The following MACROD2 variants were observed in gnomAD, a reference collection of about 807,000 sequenced individuals.
MACROD2 encodes ADP-ribose glycohydrolase MACROD2.
In MACROD2, 36 loss-of-function variants were observed where a neutral mutation model predicts 70.4. The observed-to-expected ratio is 0.51, with a 90% CI of 0.39 to 0.68. MACROD2 has a LOEUF of 0.68. Among genes scored for constraint, MACROD2 ranks in the 30% least tolerant of loss-of-function variants. The probability of loss-of-function intolerance (pLI) is 0.00; values close to 1 mark genes in which losing one functional copy is unlikely to be tolerated. For missense variants in MACROD2, 496 were observed against 538.4 expected (o/e 0.92, Z 0.78); for synonymous variants, 172 against 178.8 (o/e 0.96, Z 0.30).
chr20:14,474,499 C>A (rs762468499), intron 3 of MACROD2, among the ~76,000 whole-genome samples: 1 of 152,096 alleles, frequency 6.6e-6, no homozygotes, highest in East Asian at 1.9e-4. Context: ...GGTTAGAATG[C>A]AGTTTAACTC....
chr20:14,650,481 G>T (rs188803890), intron 4 of MACROD2, among the ~76,000 whole-genome samples: 2 of 152,276 alleles, frequency 1.3e-5, no homozygotes, highest in Non-Finnish European at 2.9e-5. Flanking sequence ...AGAATATATG[G>T]CATAAATTAT....
At chr20:14,466,086 G>A (rs1376798146) in intron 3 of MACROD2, among the ~76,000 whole-genome samples, 1 of 152,070 alleles carries the variant, frequency 6.6e-6, no homozygotes, top group Non-Finnish European at 1.5e-5. Flanking sequence ...GGCCTGCCTT[G>A]CTAGATTGGG....
At chr20:14,792,069 G>A (rs2123803234) in intron 5 of MACROD2, among the ~76,000 whole-genome samples, 1 of 151,840 alleles carries the variant, frequency 6.6e-6, no homozygotes, top group East Asian at 1.9e-4. Flanking sequence ...CAAAACACTT[G>A]AGGGTTTTTT....
At chr20:14,206,669 TTAA>T (rs1455501350) in intron 3 of MACROD2, among the ~76,000 whole-genome samples, 5 of 151,724 alleles carry the variant, frequency 3.3e-5, no homozygotes, top group Non-Finnish European at 4.4e-5. Context: ...TTTTTTTTTT[TTAA>T]GTCAGTTACT....
chr20:14,409,393 T>C (rs528040193), intron 3 of MACROD2, among the ~76,000 whole-genome samples: 2 of 151,872 alleles, frequency 1.3e-5, no homozygotes, highest in Admixed American at 6.6e-5. Context: ...CAGAATATCA[T>C]TTTATCCTCT....
intron 3 of MACROD2, among the ~76,000 whole-genome samples, chr20:14,270,085 G>C (rs1411954900): frequency 1.3e-5 from 2 of 152,012 alleles, no homozygotes; most frequent in Non-Finnish European, 2.9e-5. Context: ...GTTTGGTATT[G>C]TCTGTTTTTT....
At chr20:14,150,652 C>T (rs1162832292) in intron 3 of MACROD2, among the ~76,000 whole-genome samples, 5 of 151,978 alleles carry the variant, frequency 3.3e-5, no homozygotes, top group Non-Finnish European at 7.4e-5. Flanking sequence ...AATTTTCTTC[C>T]TCCCTTCTGG....
intron 12 of MACROD2, among the ~76,000 whole-genome samples, chr20:15,941,854 G>A (rs962916053): frequency 2.6e-5 from 4 of 152,104 alleles, no homozygotes; most frequent in African/African-American, 9.7e-5. Flanking sequence ...AACTCCCAAG[G>A]ATTTTGAGGC....
chr20:15,800,260 C>T (rs569939485), intron 8 of MACROD2, among the ~76,000 whole-genome samples: 12 of 152,156 alleles, frequency 7.9e-5, no homozygotes, highest in Non-Finnish European at 1.3e-4. Context: ...TGATAGTTTC[C>T]TTTGCTGTGC....
chr20:15,741,484 A>G (rs1041168275), intron 8 of MACROD2, among the ~76,000 whole-genome samples: 2 of 152,022 alleles, frequency 1.3e-5, no homozygotes, highest in Non-Finnish European at 2.9e-5. Context: ...CATGTCAGCC[A>G]TATTCCTGCT....
chr20:14,921,959 T>A (rs2074169322), intron 5 of MACROD2, among the ~76,000 whole-genome samples: 1 of 152,230 alleles, frequency 6.6e-6, no homozygotes, highest in African/African-American at 2.4e-5. Context: ...CATCAGATTC[T>A]CTAACCAAGT....
intron 12 of MACROD2, among the ~76,000 whole-genome samples, chr20:15,952,305 G>T (rs2065917705): frequency 6.6e-6 from 1 of 152,106 alleles, no homozygotes; most frequent in Non-Finnish European, 1.5e-5. Context: ...CCTCAGGGTG[G>T]ATGGTTAAAG....
chr20:15,967,467 A>G lies in MACROD2; in HGVS notation c.908-86A>G, dbSNP rs558718078. ...AACGAATAAATTCTATTTTTCCTCAAACATAAATCTATCATGTTAGTGCTG... is the reference window on the plus strand; with the variant it reads ...AACGAATAAATTCTATTTTTCCTCAGACATAAATCTATCATGTTAGTGCTG... On this transcript the variant is annotated intron_variant, in intron 12 of 17. Coordinates refer to ENST00000684519, the MANE Select transcript of MACROD2 (RefSeq NM_001351661.2). 68 of 1,096,290 alleles carry G rather than the reference A, an allele frequency of 6.2e-5. No individual in the cohort carries two copies. In the African/African-American group the frequency reaches 7.9e-4, roughly 13 times the overall value. The allele number at this position is 1,096,290 out of a possible 1,614,324, so 67.9% of individuals were successfully genotyped here.
At chr20:14,853,322 A>G (rs991561007) in intron 5 of MACROD2, among the ~76,000 whole-genome samples, 1 of 152,008 alleles carries the variant, frequency 6.6e-6, no homozygotes, top group Non-Finnish European at 1.5e-5. Context: ...TGCTTTTGTT[A>G]GTGACTGAAT....
intron 5 of MACROD2, among the ~76,000 whole-genome samples, chr20:15,210,554 T>TTTTTTTTTTTTTTTTTG: frequency 1.8e-5 from 1 of 56,386 alleles, no homozygotes; most frequent in East Asian, 1.2e-3. Flanking sequence ...TTTCTTCTGT[T>TTTTTTTTTTTTTTTTTG]TTTTTTTTTT....
At chr20:15,707,967 G>A (rs963004860) in intron 8 of MACROD2, among the ~76,000 whole-genome samples, 9 of 151,944 alleles carry the variant, frequency 5.9e-5, no homozygotes, top group Admixed American at 2.0e-4. Flanking sequence ...CTTAAACTCA[G>A]TTGTGGAGAG....
At chr20:14,938,825 G>A (rs996384190) in intron 5 of MACROD2, among the ~76,000 whole-genome samples, 1 of 151,780 alleles carries the variant, frequency 6.6e-6, no homozygotes, top group Non-Finnish European at 1.5e-5. Context: ...GTCAGGGAGA[G>A]AGATTTCTTC....
At chr20:15,052,704 C>T (rs186566808) in intron 5 of MACROD2, among the ~76,000 whole-genome samples, 1 of 152,278 alleles carries the variant, frequency 6.6e-6, no homozygotes, top group East Asian at 1.9e-4. Flanking sequence ...CAGTTAATAA[C>T]TCTACAATGG....
intron 5 of MACROD2, among the ~76,000 whole-genome samples, chr20:15,043,235 C>A (rs771110985): frequency 6.6e-6 from 1 of 152,196 alleles, no homozygotes; most frequent in African/African-American, 2.4e-5. Context: ...TTTTAAGAAT[C>A]TGGAAATTTT....
Sources: gnomAD v4.1 joint callset for allele counts (sites outside exome capture counted in the v4.1 genomes callset) on GRCh38, gnomAD v4.1.1 for gene constraint, MANE v1.5 for transcripts, NCBI Gene and HGNC (gene_info 2026-07-23, HGNC 2026-07-21) for gene names.